PRKCH: variants seen among roughly 807,000 people sequenced by gnomAD.
PRKCH encodes protein kinase C eta type.
In PRKCH, 28 loss-of-function variants were observed where a neutral mutation model predicts 82.5. The ratio of observed to expected loss-of-function variants is 0.34; its 90% CI spans 0.25 to 0.47. The LOEUF (loss-of-function observed/expected upper bound fraction) is 0.47, where lower values mean the gene tolerates loss of function less well. Ranked by LOEUF, PRKCH falls within the 20% of genes least tolerant of loss-of-function variation. The pLI is 1.00. For synonymous variants in PRKCH, 322 were observed against 327.4 expected, an observed-to-expected ratio of 0.98 and a Z score of 0.18; for missense variants, 705 against 881.8, an observed-to-expected ratio of 0.80 and a Z score of 2.54.
At chr14:61,457,375 GT>G (rs1884823534) in intron 8 of PRKCH, 56 bp downstream of exon 8, 3 of 1,461,328 alleles carry the variant, frequency 2.1e-6, no homozygotes, top group East Asian at 4.9e-5. Context: ...TGTATGGGGG[GT>G]GTGTGTGTGT....
At chr14:61,286,452 G>GAAA (rs1214531204) in intron 1 of PRKCH, among the ~76,000 whole-genome samples, 2 of 152,254 alleles carry the variant, frequency 1.3e-5, no homozygotes, top group Admixed American at 6.5e-5. Flanking sequence ...TCCCTGCCAC[G>GAAA]GTGTGTTGGT....
intron 9 of PRKCH, chr14:61,476,257 C>T (rs1199370996): frequency 6.6e-6 from 1 of 152,170 alleles, no homozygotes; most frequent in East Asian, 1.9e-4. Flanking sequence ...TTTATTAACC[C>T]TCACAATTGG....
chr14:61,352,689 G>GGAAAGGAAAGAAAGAAAGAAAGAAA (rs1555378083), intron 1 of PRKCH, among the ~76,000 whole-genome samples: 2 of 126,546 alleles, frequency 1.6e-5, no homozygotes, highest in Admixed American at 8.5e-5. Flanking sequence ...AGAAAGGAAA[G>GGAAAGGAAAGAAAGAAAGAAAGAAA]GAAAGAAAGA....
chr14:61,329,119 C>G (rs1024141339), intron 1 of PRKCH, among the ~76,000 whole-genome samples: 6 of 151,790 alleles, frequency 4.0e-5, no homozygotes, highest in Admixed American at 3.9e-4. Flanking sequence ...TTGTTTTCCA[C>G]TCTTATCATT....
At chr14:61,388,018 T>A (rs1391228430) in intron 1 of PRKCH, among the ~76,000 whole-genome samples, 26 of 151,904 alleles carry the variant, frequency 1.7e-4, no homozygotes, top group Non-Finnish European at 1.6e-4. Context: ...TGTGGTGACA[T>A]GTGCCTGTAG....
chr14:61,498,010 C>G (rs1461369161), intron 10 of PRKCH, among the ~76,000 whole-genome samples: 2 of 151,856 alleles, frequency 1.3e-5, no homozygotes, highest in Non-Finnish European at 2.9e-5. Context: ...AAAAAAATGC[C>G]ATCCTATTTA....
At chr14:61,438,826 TATA>T (rs921401634) in intron 2 of PRKCH, among the ~76,000 whole-genome samples, 4 of 152,334 alleles carry the variant, frequency 2.6e-5, no homozygotes, top group East Asian at 1.9e-4. Flanking sequence ...TTTTATGAAA[TATA>T]ATTTTAGTTC....
intron 1 of PRKCH, among the ~76,000 whole-genome samples, chr14:61,385,834 A>G (rs1004807045): frequency 6.6e-6 from 1 of 152,180 alleles, no homozygotes; most frequent in African/African-American, 2.4e-5. Flanking sequence ...GACAGGGCAT[A>G]ATGACTACAA....
intron 4 of PRKCH, 123 bp downstream of exon 4, chr14:61,445,849 G>T: frequency 9.7e-7 from 1 of 1,027,018 alleles, no homozygotes. Flanking sequence ...TAGGTCAAAG[G>T]AAACCCCTGT....
At chr14:61,386,410 A>C (rs2046587936) in intron 1 of PRKCH, among the ~76,000 whole-genome samples, 1 of 152,186 alleles carries the variant, frequency 6.6e-6, no homozygotes, top group Non-Finnish European at 1.5e-5. Flanking sequence ...GGCAGCTAGA[A>C]GCCCGTTCAG....
At chr14:61,264,158 T>TAA (rs1328029438) in intron 1 of PRKCH, among the ~76,000 whole-genome samples, 3 of 152,186 alleles carry the variant, frequency 2.0e-5, no homozygotes, top group Admixed American at 6.5e-5. Flanking sequence ...CTGGAGTGCC[T>TAA]GCTGCTAGCA....
chr14:61,387,742 G>C (rs1277014659), intron 1 of PRKCH, among the ~76,000 whole-genome samples: 1 of 152,118 alleles, frequency 6.6e-6, no homozygotes, highest in Non-Finnish European at 1.5e-5. Context: ...AAAACCTACT[G>C]TACCCTTTTA....
chr14:61,281,150 C>A, intron 1 of PRKCH: 4 of 1,340,014 alleles, frequency 3.0e-6, no homozygotes, highest in Non-Finnish European at 2.9e-6. Flanking sequence ...CAGGTCATGG[C>A]GGCCGCGCGG....
intron 1 of PRKCH, among the ~76,000 whole-genome samples, chr14:61,388,371 GT>G (rs1483793276): frequency 6.6e-6 from 1 of 152,176 alleles, no homozygotes; most frequent in Non-Finnish European, 1.5e-5. Flanking sequence ...AAGGAAACCT[GT>G]TCTACTTGTG....
chr14:61,503,727 C>T (rs1281921589), intron 10 of PRKCH, among the ~76,000 whole-genome samples: 1 of 152,102 alleles, frequency 6.6e-6, no homozygotes, highest in African/African-American at 2.4e-5. Context: ...TGTTACAAAG[C>T]GCTTTACCTC....
intron 9 of PRKCH, among the ~76,000 whole-genome samples, chr14:61,467,456 T>C (rs550184296): frequency 6.6e-6 from 1 of 152,318 alleles, no homozygotes; most frequent in South Asian, 2.1e-4. Context: ...ACTGAGCATT[T>C]GGCTGAGCCC....
chr14:61,484,751 G>GTCATT (rs1416465137), intron 9 of PRKCH, among the ~76,000 whole-genome samples: 2 of 141,608 alleles, frequency 1.4e-5, no homozygotes, highest in African/African-American at 2.7e-5. Context: ...CTGTGAGGCT[G>GTCATT]TCATTTGGCT....
intron 1 of PRKCH, among the ~76,000 whole-genome samples, chr14:61,222,043 C>T (rs1229381016): frequency 2.6e-5 from 4 of 152,340 alleles, no homozygotes; most frequent in Non-Finnish European, 5.9e-5. Context: ...CCCTCCCACA[C>T]ACTGCCTGCT....
intron 10 of PRKCH, among the ~76,000 whole-genome samples, chr14:61,497,768 G>T (rs142058404): frequency 7.2e-5 from 11 of 152,098 alleles, no homozygotes; most frequent in Non-Finnish European, 1.6e-4. Flanking sequence ...ATAAGAGGAT[G>T]GGCTCTTTAA....
Sources: allele counts gnomAD v4.1 joint callset (sites outside exome capture counted in the v4.1 genomes callset), GRCh38; gene constraint gnomAD v4.1.1; transcripts MANE v1.5; gene names NCBI Gene and HGNC (gene_info 2026-07-23, HGNC 2026-07-21).